EXOC5: variants seen among roughly 807,000 people sequenced by gnomAD.
The protein encoded by EXOC5 is exocyst complex component 5.
Under a neutral mutation model 90.8 loss-of-function variants are expected in EXOC5, and 17 were observed. That is an observed-to-expected ratio of 0.19 (90% confidence interval 0.13 to 0.28). The LOEUF (loss-of-function observed/expected upper bound fraction) is 0.28, where lower values mean the gene tolerates loss of function less well. EXOC5 is among the 10% of genes least tolerant of loss of function. The pLI, the probability that EXOC5 is intolerant of heterozygous loss-of-function variation, is 1.00. For missense variants in EXOC5, 569 were observed against 830.6 expected (o/e 0.69, Z 3.87); for synonymous variants, 260 against 270.0 (o/e 0.96, Z 0.36).
intron 7 of EXOC5, 52 bp from the exon 8 acceptor site, chr14:57,234,084 T>C (rs1331684761): frequency 7.4e-7 from 1 of 1,351,096 alleles, no homozygotes; most frequent in Non-Finnish European, 1.0e-6. Context: ...TAATAATTAT[T>C]ATTTCAAAAA....
At position 57,203,640 on chromosome 14, in the gene EXOC5, T is replaced by G. The variant is rs1290435298; in HGVS notation, c.*4969A>C. 1 of 152,630 alleles carries G rather than the reference T, an allele frequency of 6.6e-6. No individual in the cohort carries two copies. The highest frequency in any genetic ancestry group is 1.5e-5 in the Non-Finnish European group (1 of 68,036). 9.5% of individuals were successfully genotyped at this position (152,630 alleles called of 1,614,324 possible). Reference sequence around the variant, plus strand: ...CTCCTATTAAGTCACTAGGCACTTATAATTCTACATTTTACTGACCTTTCA... The same window carrying G: ...CTCCTATTAAGTCACTAGGCACTTAGAATTCTACATTTTACTGACCTTTCA... On this transcript the variant is annotated 3_prime_UTR_variant, in exon 18 of 18. Transcript: ENST00000621441.
At chr14:57,262,002 G>C (rs974136317) in intron 1 of EXOC5, among the ~76,000 whole-genome samples, 1 of 152,094 alleles carries the variant, frequency 6.6e-6, no homozygotes, top group African/African-American at 2.4e-5. Context: ...TGACCATCCT[G>C]AAAAATACAA....
At chr14:57,216,337 C>G (rs1465018986) in intron 15 of EXOC5, among the ~76,000 whole-genome samples, 2 of 150,876 alleles carry the variant, frequency 1.3e-5, no homozygotes, top group Non-Finnish European at 2.9e-5. Flanking sequence ...ATAGCCACAG[C>G]AATTTTGAGA....
chr14:57,213,658 C>CA (rs975278201), intron 15 of EXOC5, among the ~76,000 whole-genome samples: 1 of 151,384 alleles, frequency 6.6e-6, no homozygotes, highest in African/African-American at 2.4e-5. Context: ...TGCCTGGCCA[C>CA]AAAAAAAATT....
chr14:57,222,310 G>A lies in EXOC5; in HGVS notation c.1403C>T (p.Ala468Val), dbSNP rs745522745. 2.0e-6 allele frequency: 3 copies of A among 1,475,372 alleles called. No homozygotes were observed. Among genetic ancestry groups the A allele is most frequent in the Non-Finnish European group, 2.8e-6 (3 of 1,067,746 alleles). The allele number at this position is 1,475,372 out of a possible 1,614,324, so 91.4% of individuals were successfully genotyped here. Residue 468 changes from alanine to valine, a missense_variant and splice_region_variant, in exon 13 of 18, where the codon GCT (alanine) becomes GTT (valine). By Grantham distance (64) the Ala-to-Val change is moderately conservative (BLOSUM62 0). Coordinates refer to ENST00000621441, the MANE Select transcript of EXOC5 (RefSeq NM_006544.4). ...HIDYALETGL[A>V]GIPSSDSRNA... ...AAGTGTAACACAAATATACTTACCA[G>A]CAAGTCCTGTTTCCAAAGCATAATC...
rs1471696744 is a variant in EXOC5 at position 57,244,323 on chromosome 14, T to A, written c.307A>T (p.Ile103Phe). The A allele has an allele frequency of 6.2e-7, 1 of 1,613,776 alleles. No individual in the cohort carries two copies. ...FQHFQELDEH[I>F]SYVATKVCHL... is the part of the protein sequence containing the mutation. ...CAGACTTTAGTTGCTACATAGCTAATGTGCTCATCTAGTTCTTGGAAATGT... is the reference window on the plus strand; with the variant it reads ...CAGACTTTAGTTGCTACATAGCTAAAGTGCTCATCTAGTTCTTGGAAATGT... Residue 103 changes from isoleucine to phenylalanine, a missense_variant, in exon 4 of 18, where the codon ATT (isoleucine) becomes TTT (phenylalanine). Ile to Phe is a conservative substitution (Grantham distance 21). This residue lies in a region of EXOC5 where 97 missense variants were observed against 177.9 expected (regional missense o/e 0.55). Coordinates refer to ENST00000621441, the MANE Select transcript of EXOC5 (RefSeq NM_006544.4).
rs368164739 is a variant in EXOC5 at position 57,230,446 on chromosome 14, A to ACACAC, written c.1149-566_1149-565insGTGTG. 4.4e-3 allele frequency among the ~76,000 whole-genome samples: 651 copies of ACACAC among 148,240 alleles called. 7 individuals carry two copies. Among genetic ancestry groups the ACACAC allele is most frequent in the African/African-American group, 0.015 (596 of 38,774 alleles). ...GTAAACACACACACACACACACACAAACACACACACAAATTCCTATTATTC... is the reference window on the plus strand; with the variant it reads ...GTAAACACACACACACACACACACAACACACACACACACACAAATTCCTATTATTC... On this transcript the variant is annotated intron_variant, in intron 11 of 17. Coordinates refer to ENST00000621441, the MANE Select transcript of EXOC5 (RefSeq NM_006544.4).
At position 57,202,806 on chromosome 14, in the gene EXOC5, A is replaced by T. The variant is rs2139597883; in HGVS notation, c.*5803T>A. 1 of 152,304 alleles carries T rather than the reference A, an allele frequency of 6.6e-6. No homozygotes were observed. The highest frequency in any genetic ancestry group is 2.1e-4 in the South Asian group (1 of 4,820). 9.4% of individuals were successfully genotyped at this position (152,304 alleles called of 1,614,324 possible). A position where few individuals can be genotyped will look rare whatever the true frequency, so the allele number is the denominator to read the frequency against. On this transcript the variant is annotated 3_prime_UTR_variant, in exon 18 of 18. Transcript: ENST00000621441. ...CACACACACATAATTGGGATAGCAA[A>T]ATGTTCATAGATGCTGTAAAGTTGT...
At chr14:57,256,231 G>A (rs1884345693) in intron 1 of EXOC5, among the ~76,000 whole-genome samples, 1 of 152,160 alleles carries the variant, frequency 6.6e-6, no homozygotes, top group African/African-American at 2.4e-5. Context: ...AATGGGGGCA[G>A]AGAGCAGTAT....
At chr14:57,238,219 TA>T (rs1883726241) in intron 5 of EXOC5, among the ~76,000 whole-genome samples, 2 of 73,818 alleles carry the variant, frequency 2.7e-5, no homozygotes, top group Non-Finnish European at 5.6e-5. Flanking sequence ...ACTCCACATA[TA>T]TATACACACA....
intron 15 of EXOC5, among the ~76,000 whole-genome samples, chr14:57,211,302 T>C (rs980847128): frequency 2.6e-5 from 4 of 152,216 alleles, no homozygotes; most frequent in African/African-American, 9.6e-5. Context: ...GGAGTCTCAC[T>C]GATGTTAAAA....
At chr14:57,212,547 G>A (rs1362152584) in intron 15 of EXOC5, among the ~76,000 whole-genome samples, 1 of 152,200 alleles carries the variant, frequency 6.6e-6, no homozygotes, top group Non-Finnish European at 1.5e-5. Flanking sequence ...TTCTGTAGGA[G>A]CCATCTTATC....
chr14:57,229,606 A>G (rs1301632794), intron 12 of EXOC5, 128 bp downstream of exon 12: 1 of 465,470 alleles, frequency 2.1e-6, no homozygotes, highest in African/African-American at 2.0e-5. Context: ...ATATATGCAA[A>G]TACTACACAC....
Position 57,216,102 on chromosome 14 carries a change from A to T in EXOC5, c.1613+1880T>A, listed in dbSNP as rs149444178. On this transcript the variant is annotated intron_variant, in intron 15 of 17. Transcript: ENST00000621441. ...AAAAGAATAAAATATTTAGGAATTA[A>T]CCAAGGAAGTAAAAGACTTATACAC... 3.6e-3 allele frequency among the ~76,000 whole-genome samples: 548 copies of T among 152,232 alleles called. 5 individuals carry two copies. Among genetic ancestry groups the T allele is most frequent in the African/African-American group, 0.013 (527 of 41,564 alleles).
chr14:57,223,407 A>G, intron 12 of EXOC5, among the ~76,000 whole-genome samples: 1 of 152,086 alleles, frequency 6.6e-6, no homozygotes, highest in East Asian at 1.9e-4. Context: ...GATGTATTAA[A>G]TTAGAAGTTG....
intron 12 of EXOC5, among the ~76,000 whole-genome samples, chr14:57,226,431 G>T (rs1003453210): frequency 1.3e-5 from 2 of 152,048 alleles, no homozygotes; most frequent in East Asian, 3.9e-4. Flanking sequence ...GCTTATAATG[G>T]CATCAAAATA....
At chr14:57,247,251 AAAT>A (rs1308321167) in intron 2 of EXOC5, among the ~76,000 whole-genome samples, 1 of 152,180 alleles carries the variant, frequency 6.6e-6, no homozygotes, top group Non-Finnish European at 1.5e-5. Flanking sequence ...TACTATATAA[AAAT>A]AATAATATAC....
intron 13 of EXOC5, among the ~76,000 whole-genome samples, chr14:57,221,994 C>T (rs1206675163): frequency 6.6e-6 from 1 of 152,062 alleles, no homozygotes; most frequent in Non-Finnish European, 1.5e-5. Context: ...ACTCAATTCC[C>T]CAATCAGAAT....
chr14:57,220,315 A>G (rs1272217971), intron 13 of EXOC5, among the ~76,000 whole-genome samples: 1 of 152,190 alleles, frequency 6.6e-6, no homozygotes, highest in African/African-American at 2.4e-5. Context: ...ATACATATGT[A>G]GAAAATATGA....
Sources: allele counts gnomAD v4.1 joint callset (sites outside exome capture counted in the v4.1 genomes callset), GRCh38; gene constraint gnomAD v4.1.1; regional missense constraint gnomAD v4.1.1; transcripts MANE v1.5; gene names NCBI Gene and HGNC (gene_info 2026-07-23, HGNC 2026-07-21).